Variants in PTPRT observed in about 807,000 individuals in gnomAD.
The protein encoded by PTPRT is protein tyrosine phosphatase receptor type T.
PTPRT carries 56 observed loss-of-function variants against 176.8 expected under a neutral mutation model. That is an observed-to-expected ratio of 0.32 (90% CI 0.26 to 0.40). The LOEUF is 0.40. Ranked by LOEUF, PTPRT falls within the 10% of genes least tolerant of loss-of-function variation. The pLI, the probability that PTPRT is intolerant of heterozygous loss-of-function variation, is 1.00. For missense variants in PTPRT, 1,540 were observed against 1,908.2 expected, an observed-to-expected ratio of 0.81 and a Z score of 3.60; for synonymous variants, 783 against 739.0, an observed-to-expected ratio of 1.06 and a Z score of -0.96.
intron 8 of PTPRT, among the ~76,000 whole-genome samples, chr20:42,468,658 T>C (rs1241124241): frequency 6.6e-6 from 1 of 152,166 alleles, no homozygotes; most frequent in African/African-American, 2.4e-5. Flanking sequence ...AAGAGAGAAG[T>C]TAAGGAACGC....
intron 3 of PTPRT, among the ~76,000 whole-genome samples, chr20:42,780,829 A>C (rs1362914090): frequency 2.6e-5 from 4 of 152,200 alleles, no homozygotes; most frequent in African/African-American, 9.7e-5. Flanking sequence ...GGTATCCAGG[A>C]GTAGAAGGCA....
chr20:43,129,925 T>C (rs1270489960), intron 1 of PTPRT, among the ~76,000 whole-genome samples: 1 of 151,864 alleles, frequency 6.6e-6, no homozygotes, highest in Non-Finnish European at 1.5e-5. Context: ...GCCCAAAGAG[T>C]TCTTTTCGGG....
intron 7 of PTPRT, among the ~76,000 whole-genome samples, chr20:42,619,574 A>G: frequency 7.5e-6 from 1 of 134,000 alleles, no homozygotes; most frequent in Non-Finnish European, 1.6e-5. Flanking sequence ...ACTTTCAGGT[A>G]CACCAATCAG....
chr20:42,681,147 T>G (rs968303335), intron 6 of PTPRT, among the ~76,000 whole-genome samples: 8 of 152,226 alleles, frequency 5.3e-5, no homozygotes, highest in Non-Finnish European at 7.3e-5. Flanking sequence ...AGCACATTAT[T>G]TTAAAAATAC....
At chr20:42,244,097 T>C (rs2056406789) in intron 14 of PTPRT, among the ~76,000 whole-genome samples, 1 of 152,196 alleles carries the variant, frequency 6.6e-6, no homozygotes, top group South Asian at 2.1e-4. Flanking sequence ...ATTTGATCTT[T>C]AGAATAGCCC....
chr20:42,929,452 C>A (rs1026171128), intron 1 of PTPRT, among the ~76,000 whole-genome samples: 2 of 152,174 alleles, frequency 1.3e-5, no homozygotes, highest in African/African-American at 4.8e-5. Context: ...GGAAAAAATA[C>A]AACTAAAAGA....
intron 15 of PTPRT, among the ~76,000 whole-genome samples, chr20:42,225,334 T>A (rs1002095409): frequency 1.3e-5 from 2 of 152,132 alleles, no homozygotes; most frequent in African/African-American, 2.4e-5. Flanking sequence ...TAAATGACAA[T>A]AATTCCCCTG....
chr20:43,043,255 G>A lies in PTPRT; in HGVS notation c.88+146391C>T, dbSNP rs952429291. Among the ~76,000 whole-genome samples, 29 of 152,294 alleles carry A rather than the reference G, an allele frequency of 1.9e-4. 1 individual carries two copies. The highest frequency in any genetic ancestry group is 7.7e-4 in the East Asian group (4 of 5,190). ...ACGACGCCCTCCCTCAGCCCTCAGG[G>A]AGGCATTGGGAACATCCTTTGATGG... On this transcript the variant is annotated intron_variant, in intron 1 of 30. Coordinates refer to ENST00000373187, the MANE Select transcript of PTPRT (RefSeq NM_007050.6).
At chr20:42,194,871 G>A (rs1166664400) in intron 16 of PTPRT, among the ~76,000 whole-genome samples, 1 of 152,118 alleles carries the variant, frequency 6.6e-6, no homozygotes, top group Non-Finnish European at 1.5e-5. Flanking sequence ...AGGTTTGATT[G>A]AATAGATGTC....
At chr20:42,479,484 T>C (rs2071345943) in intron 7 of PTPRT, among the ~76,000 whole-genome samples, 1 of 152,342 alleles carries the variant, frequency 6.6e-6, no homozygotes, top group Non-Finnish European at 1.5e-5. Context: ...TAATTTGCAC[T>C]TTCTGCATGG....
At chr20:42,769,894 T>C (rs2077037868) in intron 5 of PTPRT, among the ~76,000 whole-genome samples, 2 of 152,200 alleles carry the variant, frequency 1.3e-5, no homozygotes, top group South Asian at 4.1e-4. Flanking sequence ...TATATAAAAT[T>C]CTAGAACATA....
chr20:42,317,979 C>T (rs184533052), intron 11 of PTPRT, among the ~76,000 whole-genome samples: 12 of 152,204 alleles, frequency 7.9e-5, no homozygotes, highest in Admixed American at 2.6e-4. Flanking sequence ...TGAGGGTGTA[C>T]CATTTCCAAG....
intron 7 of PTPRT, among the ~76,000 whole-genome samples, chr20:42,515,671 G>GT (rs1202322316): frequency 1.3e-5 from 2 of 152,154 alleles, no homozygotes; most frequent in Non-Finnish European, 2.9e-5. Context: ...TAAGTGTACA[G>GT]TTTTTTAAAT....
chr20:42,159,135 C>T lies in PTPRT; in HGVS notation c.2682+2217G>A, dbSNP rs73616979. ...TTTTTTTTGGTAAGCCACATATCTC[C>T]CTTAATGATATTTGAAATTTTTAAT... On this transcript the variant is annotated intron_variant, in intron 17 of 30. Coordinates refer to ENST00000373187, the MANE Select transcript of PTPRT (RefSeq NM_007050.6). 1.1e-3 allele frequency among the ~76,000 whole-genome samples: 172 copies of T among 151,418 alleles called. 2 individuals carry two copies. The East Asian group carries it at 0.033, about 29-fold the overall frequency.
At chr20:42,503,052 T>G (rs887852478) in intron 7 of PTPRT, among the ~76,000 whole-genome samples, 1 of 152,100 alleles carries the variant, frequency 6.6e-6, no homozygotes. Context: ...CCTCTTTTAT[T>G]CCTAACAATT....
intron 6 of PTPRT, among the ~76,000 whole-genome samples, chr20:42,679,682 A>T (rs914419886): frequency 6.6e-6 from 1 of 151,646 alleles, no homozygotes; most frequent in South Asian, 2.1e-4. Context: ...CCCAATGTAG[A>T]TTCATTTTTC....
chr20:42,436,022 G>A (rs2059259195), intron 9 of PTPRT, among the ~76,000 whole-genome samples: 1 of 152,102 alleles, frequency 6.6e-6, no homozygotes, highest in Non-Finnish European at 1.5e-5. Flanking sequence ...CTGTAAAAAG[G>A]ACTTGGATAA....
At chr20:43,137,469 C>T (rs745833494) in intron 1 of PTPRT, among the ~76,000 whole-genome samples, 2 of 152,240 alleles carry the variant, frequency 1.3e-5, no homozygotes, top group Non-Finnish European at 2.9e-5. Context: ...TAAATATTTG[C>T]TATCTTACTA....
chr20:42,823,733 T>C (rs2077943055), intron 2 of PTPRT, among the ~76,000 whole-genome samples: 3 of 151,840 alleles, frequency 2.0e-5, no homozygotes, highest in Admixed American at 2.0e-4. Flanking sequence ...TCAATATTGA[T>C]TTGCAAACTC....
Sources: allele counts gnomAD v4.1 joint callset (sites outside exome capture counted in the v4.1 genomes callset), GRCh38; gene constraint gnomAD v4.1.1; transcripts MANE v1.5; gene names NCBI Gene and HGNC (gene_info 2026-07-23, HGNC 2026-07-21).